The following DIPK1A variants were observed in gnomAD, a reference collection of about 807,000 sequenced individuals.
The protein encoded by DIPK1A is divergent protein kinase domain 1A.
DIPK1A carries 27 observed loss-of-function variants against 40.8 expected under a neutral mutation model. The observed-to-expected ratio is 0.66, with a 90% CI of 0.49 to 0.91. DIPK1A has a LOEUF of 0.91. Among genes scored for constraint, DIPK1A ranks in the 40% least tolerant of loss-of-function variants. DIPK1A has a pLI of 0.00. For missense variants in DIPK1A, 412 were observed against 505.7 expected, an observed-to-expected ratio of 0.81 and a Z score of 1.78; for synonymous variants, 166 against 171.3, an observed-to-expected ratio of 0.97 and a Z score of 0.24.
chr1:92,842,756 A>G lies in DIPK1A; in HGVS notation c.*627T>C, dbSNP rs920605459. 11 of 985,206 alleles carry G rather than the reference A, an allele frequency of 1.1e-5. No homozygotes were observed. Among genetic ancestry groups the G allele is most frequent in the African/African-American group, 5.2e-5 (3 of 57,234 alleles). The allele number at this position is 985,206 out of a possible 1,614,324, so 61.0% of individuals were successfully genotyped here. ...AGGAAAGTTCATCCATTTTTAGTCA[A>G]TAAAATTGGTGTACTGTCAAGTATA... On this transcript the variant is annotated 3_prime_UTR_variant, in exon 5 of 5. Coordinates refer to ENST00000370310, the MANE Select transcript of DIPK1A (RefSeq NM_001006605.5).
At chr1:92,879,605 C>T (rs1365394013) in intron 1 of DIPK1A, among the ~76,000 whole-genome samples, 3 of 152,154 alleles carry the variant, frequency 2.0e-5, no homozygotes, top group Non-Finnish European at 4.4e-5. Flanking sequence ...TTCAGCATGC[C>T]ATTGAGAATT....
chr1:92,840,552 T>C (rs775785062), downstream of DIPK1A: 3 of 1,611,260 alleles, frequency 1.9e-6, no homozygotes, highest in Admixed American at 5.0e-5. Flanking sequence ...TTGTTTCAGA[T>C]GGAGGAGATG....
intron 1 of DIPK1A, among the ~76,000 whole-genome samples, chr1:92,948,572 C>T (rs946612556): frequency 3.2e-4 from 45 of 142,792 alleles, no homozygotes; most frequent in African/African-American, 1.1e-3. Flanking sequence ...GCATGAGCCA[C>T]CACACCCAGC....
At chr1:92,916,302 C>CTTT (rs869037202) in intron 1 of DIPK1A, among the ~76,000 whole-genome samples, 1 of 134,780 alleles carries the variant, frequency 7.4e-6, no homozygotes, top group Non-Finnish European at 1.6e-5. Context: ...TCCTTTTTTT[C>CTTT]TTTTTTTTTT....
intron 2 of DIPK1A, among the ~76,000 whole-genome samples, chr1:92,856,610 T>C (rs940332537): frequency 6.6e-6 from 1 of 152,066 alleles, no homozygotes; most frequent in African/African-American, 2.4e-5. Context: ...AGAGATGGGG[T>C]TTCTCCATGT....
At chr1:92,860,262 CA>C (rs1688119245) in intron 2 of DIPK1A, among the ~76,000 whole-genome samples, 1 of 152,106 alleles carries the variant, frequency 6.6e-6, no homozygotes, top group African/African-American at 2.4e-5. Context: ...GATGAAAACA[CA>C]GTTTGCTGGA....
chr1:92,836,436 T>C, intron 4 of DIPK1A: 1 of 1,560,474 alleles, frequency 6.4e-7, no homozygotes, highest in Non-Finnish European at 8.8e-7. Context: ...CCGTGGTACT[T>C]CCCTGTTTTT....
chr1:92,873,340 T>C (rs1039856761), intron 2 of DIPK1A, among the ~76,000 whole-genome samples: 1 of 152,140 alleles, frequency 6.6e-6, no homozygotes, highest in African/African-American at 2.4e-5. Flanking sequence ...CTCGGCTGGG[T>C]GTGGTGCCTT....
intron 1 of DIPK1A, among the ~76,000 whole-genome samples, chr1:92,922,111 T>C (rs1650292669): frequency 6.6e-6 from 1 of 152,190 alleles, no homozygotes; most frequent in South Asian, 2.1e-4. Flanking sequence ...AGTTTAACTG[T>C]TTAATTAAAA....
downstream of DIPK1A, chr1:92,842,128 A>G (rs1269327340): frequency 1.1e-6 from 1 of 942,116 alleles, no homozygotes; most frequent in African/African-American, 1.8e-5. Context: ...AGCTCTCCCT[A>G]AAAATTTGGC....
chr1:92,940,914 T>C (rs1651126468), intron 1 of DIPK1A, among the ~76,000 whole-genome samples: 1 of 152,250 alleles, frequency 6.6e-6, no homozygotes, highest in African/African-American at 2.4e-5. Flanking sequence ...GCCATCTATA[T>C]AGCTTTGGTA....
chr1:92,855,901 A>C (rs1687971435), intron 2 of DIPK1A, among the ~76,000 whole-genome samples: 1 of 151,998 alleles, frequency 6.6e-6, no homozygotes, highest in Admixed American at 6.6e-5. Context: ...ACAACATGGC[A>C]AAACTTTGTA....
At chr1:92,852,390 C>G (rs1228567703) in intron 2 of DIPK1A, among the ~76,000 whole-genome samples, 1 of 151,878 alleles carries the variant, frequency 6.6e-6, no homozygotes, top group African/African-American at 2.4e-5. Context: ...CTCAAGTATT[C>G]AGGAGGCTGC....
intron 4 of DIPK1A, chr1:92,836,126 G>T: frequency 6.9e-6 from 10 of 1,451,572 alleles, no homozygotes; most frequent in Non-Finnish European, 8.7e-6. Flanking sequence ...TATGACATAA[G>T]CTATTTTAAT....
At chr1:92,882,715 C>T (rs1390409066) in intron 1 of DIPK1A, among the ~76,000 whole-genome samples, 1 of 151,986 alleles carries the variant, frequency 6.6e-6, no homozygotes, top group Non-Finnish European at 1.5e-5. Flanking sequence ...CTTTTATATA[C>T]AAACAATATA....
chr1:92,839,432 C>T (rs181221408), downstream of DIPK1A, among the ~76,000 whole-genome samples: 3 of 152,082 alleles, frequency 2.0e-5, no homozygotes, highest in Non-Finnish European at 4.4e-5. Context: ...TCTTTCTGGT[C>T]TAGAGGCCTT....
chr1:92,913,661 T>C (rs968950477), intron 1 of DIPK1A, among the ~76,000 whole-genome samples: 1 of 152,220 alleles, frequency 6.6e-6, no homozygotes, highest in East Asian at 1.9e-4. Context: ...AGGGCAGCAG[T>C]AAGTAATATA....
intron 2 of DIPK1A, among the ~76,000 whole-genome samples, chr1:92,868,841 C>T (rs988694927): frequency 6.6e-6 from 1 of 151,812 alleles, no homozygotes; most frequent in African/African-American, 2.4e-5. Flanking sequence ...TGGCAGGCGC[C>T]TGTAATCCCA....
chr1:92,960,294 A>T (rs1240695981), intron 1 of DIPK1A, among the ~76,000 whole-genome samples: 1 of 152,144 alleles, frequency 6.6e-6, no homozygotes, highest in Non-Finnish European at 1.5e-5. Flanking sequence ...TCAAACAAAA[A>T]TGTAAGATTT....
Sources: allele counts gnomAD v4.1 joint callset (sites outside exome capture counted in the v4.1 genomes callset), GRCh38; gene constraint gnomAD v4.1.1; transcripts MANE v1.5; gene names NCBI Gene and HGNC (gene_info 2026-07-23, HGNC 2026-07-21).